OLFM3: variants seen among roughly 807,000 people sequenced by gnomAD.
OLFM3 encodes the protein olfactomedin 3.
OLFM3 carries 20 observed loss-of-function variants against 48.6 expected under a neutral mutation model. The ratio of observed to expected loss-of-function variants is 0.41; its 90% CI spans 0.29 to 0.60. The LOEUF (loss-of-function observed/expected upper bound fraction) is 0.60. Among genes scored for constraint, OLFM3 ranks in the 20% least tolerant of loss-of-function variants. OLFM3 has a pLI of 0.28. For missense variants in OLFM3, 437 were observed against 544.3 expected (o/e 0.80, Z 1.96); for synonymous variants, 222 against 198.1 (o/e 1.12, Z -1.01).
intron 1 of OLFM3, among the ~76,000 whole-genome samples, chr1:101,866,641 T>C (rs1656874164): frequency 6.6e-6 from 1 of 152,172 alleles, no homozygotes; most frequent in African/African-American, 2.4e-5. Context: ...ATAAACACGA[T>C]AAATTACTTA....
intron 1 of OLFM3, among the ~76,000 whole-genome samples, chr1:101,988,596 A>G (rs964526985): frequency 3.9e-5 from 6 of 152,068 alleles, no homozygotes; most frequent in Admixed American, 1.3e-4. Flanking sequence ...GAATCATTTA[A>G]CCCAGGATTT....
At chr1:101,914,341 A>T (rs1295903816) in intron 1 of OLFM3, among the ~76,000 whole-genome samples, 1 of 152,118 alleles carries the variant, frequency 6.6e-6, no homozygotes, top group Non-Finnish European at 1.5e-5. Flanking sequence ...TTGTCTACTT[A>T]AATATCAGTC....
At chr1:101,900,496 T>C (rs893151556) in intron 1 of OLFM3, among the ~76,000 whole-genome samples, 5 of 152,134 alleles carry the variant, frequency 3.3e-5, no homozygotes, top group Non-Finnish European at 7.4e-5. Flanking sequence ...TGATCTGGCA[T>C]AGAGAAGGCA....
intron 1 of OLFM3, among the ~76,000 whole-genome samples, chr1:101,962,158 G>C (rs924465742): frequency 1.3e-5 from 2 of 152,104 alleles, no homozygotes; most frequent in Non-Finnish European, 2.9e-5. Context: ...TGGGAGTTCA[G>C]TGTTGTAAAA....
chr1:101,830,756 T>C lies in OLFM3; in HGVS notation c.288A>G (p.Lys96=). The change falls in exon 3 of 6, where the codon AAA becomes AAG. Residue 96 remains lysine, a synonymous_variant. Coordinates refer to ENST00000370103, the MANE Select transcript of OLFM3 (RefSeq NM_058170.4). ...TCAGCCCTTTCATTTGGGTTTCCAT[T>C]TTTAAAACATATTGGAAATCTCTCT... ...RTQRDFQYVL[K]METQMKGLKA... is the part of the protein sequence containing the mutation. 6.2e-7 allele frequency: 1 copy of C among 1,614,154 alleles called. No homozygotes were observed. Among genetic ancestry groups the C allele is most frequent in the Non-Finnish European group, 8.5e-7 (1 of 1,179,990 alleles).
chr1:101,832,451 T>A (rs374958875), intron 2 of OLFM3, among the ~76,000 whole-genome samples: 5 of 152,232 alleles, frequency 3.3e-5, no homozygotes, highest in East Asian at 3.8e-4. Context: ...TTCACCCTTT[T>A]CTGTTCCCTC....
chr1:101,910,402 CT>C (rs1273046913), intron 1 of OLFM3, among the ~76,000 whole-genome samples: 1 of 151,056 alleles, frequency 6.6e-6, no homozygotes, highest in East Asian at 2.0e-4. Flanking sequence ...GGAGGCGGAG[CT>C]TGCAGTGAGC....
chr1:101,921,345 A>G (rs1659088850), intron 1 of OLFM3, among the ~76,000 whole-genome samples: 1 of 152,180 alleles, frequency 6.6e-6, no homozygotes. Context: ...CTTGTCTCTG[A>G]GATATAAAAT....
At chr1:101,867,864 C>T (rs1236964420) in intron 1 of OLFM3, among the ~76,000 whole-genome samples, 3 of 152,074 alleles carry the variant, frequency 2.0e-5, no homozygotes, top group African/African-American at 7.2e-5. Flanking sequence ...TGGGAGGGAC[C>T]TGGTGTGAGG....
At chr1:101,985,458 A>T (rs951637277) in intron 1 of OLFM3, among the ~76,000 whole-genome samples, 1 of 152,234 alleles carries the variant, frequency 6.6e-6, no homozygotes, top group African/African-American at 2.4e-5. Context: ...AACTCAATAT[A>T]AAAAGAAACT....
chr1:101,824,242 A>G (rs923325187), intron 4 of OLFM3, among the ~76,000 whole-genome samples: 3 of 152,108 alleles, frequency 2.0e-5, no homozygotes, highest in Non-Finnish European at 2.9e-5. Context: ...TCAACAACTA[A>G]AATACTGATC....
At chr1:101,940,493 T>G (rs1051230624) in intron 1 of OLFM3, among the ~76,000 whole-genome samples, 2 of 151,728 alleles carry the variant, frequency 1.3e-5, no homozygotes. Context: ...TATCTATCTT[T>G]CAATCATCTA....
intron 1 of OLFM3, among the ~76,000 whole-genome samples, chr1:101,872,805 T>C (rs927125134): frequency 6.6e-6 from 1 of 151,984 alleles, no homozygotes; most frequent in Non-Finnish European, 1.5e-5. Context: ...TTCAAAAGGC[T>C]TGTTCTATCA....
intron 1 of OLFM3, among the ~76,000 whole-genome samples, chr1:101,905,675 TTG>T (rs1396208203): frequency 6.6e-6 from 1 of 152,116 alleles, no homozygotes; most frequent in African/African-American, 2.4e-5. Context: ...GCTTTAAACA[TTG>T]TGAACACTGG....
intron 4 of OLFM3, among the ~76,000 whole-genome samples, chr1:101,820,495 C>T (rs1438550462): frequency 6.6e-6 from 1 of 152,060 alleles, no homozygotes; most frequent in East Asian, 1.9e-4. Flanking sequence ...GAACAGGGGA[C>T]TTTATCCTAT....
At chr1:101,939,681 G>A (rs1659727576) in intron 1 of OLFM3, among the ~76,000 whole-genome samples, 1 of 152,170 alleles carries the variant, frequency 6.6e-6, no homozygotes, top group African/African-American at 2.4e-5. Context: ...GAAAATTAAA[G>A]CGATGCAGGA....
At chr1:101,835,784 A>G (rs1041386540) in intron 2 of OLFM3, among the ~76,000 whole-genome samples, 2 of 152,346 alleles carry the variant, frequency 1.3e-5, no homozygotes, top group African/African-American at 4.8e-5. Flanking sequence ...AACTTCAAGC[A>G]GAGGGGAAGG....
chr1:101,949,390 A>G (rs764956800), intron 1 of OLFM3, among the ~76,000 whole-genome samples: 14 of 152,162 alleles, frequency 9.2e-5, no homozygotes, highest in Non-Finnish European at 1.9e-4. Context: ...AATATCACGT[A>G]CATGCTGAGG....
At chr1:101,819,464 A>T (rs1444783808) in intron 4 of OLFM3, among the ~76,000 whole-genome samples, 1 of 152,106 alleles carries the variant, frequency 6.6e-6, no homozygotes, top group Non-Finnish European at 1.5e-5. Flanking sequence ...ACAAATGATC[A>T]GGAGGCCATT....
Sources: allele counts gnomAD v4.1 joint callset (sites outside exome capture counted in the v4.1 genomes callset), GRCh38; gene constraint gnomAD v4.1.1; transcripts MANE v1.5; gene names NCBI Gene and HGNC (gene_info 2026-07-23, HGNC 2026-07-21).